The following ZNF385D variants were observed in gnomAD, a reference collection of about 807,000 sequenced individuals.
The protein encoded by ZNF385D is zinc finger protein 385D, also known as zinc finger protein 659.
ZNF385D carries 15 observed loss-of-function variants against 35.8 expected under a neutral mutation model. That is an observed-to-expected ratio of 0.42 (90% CI 0.28 to 0.64). The LOEUF (loss-of-function observed/expected upper bound fraction) is 0.64, where lower values mean the gene tolerates loss of function less well. Among genes scored for constraint, ZNF385D ranks in the 30% least tolerant of loss-of-function variants. The pLI is 0.23. For synonymous variants in ZNF385D, 212 were observed against 186.8 expected (o/e 1.13, Z -1.10); for missense variants, 474 against 494.6 (o/e 0.96, Z 0.39).
chr3:21,840,884 T>G (rs1338523034), intron 3 of ZNF385D, among the ~76,000 whole-genome samples: 1 of 152,056 alleles, frequency 6.6e-6, no homozygotes, highest in East Asian at 1.9e-4. Context: ...GTTTGCTGTC[T>G]AAAAGAAACC....
At chr3:22,266,463 C>T (rs62246556) in intron 2 of ZNF385D, among the ~76,000 whole-genome samples, 14,880 of 151,802 alleles carry the variant, frequency 0.098, 904 homozygotes, top group South Asian at 0.27. Flanking sequence ...AGTCAGCTGG[C>T]TGACTGCTAT....
chr3:22,221,563 T>C (rs1698258122), intron 2 of ZNF385D, among the ~76,000 whole-genome samples: 2 of 152,206 alleles, frequency 1.3e-5, no homozygotes, highest in African/African-American at 4.8e-5. Context: ...CTTAATTTCA[T>C]TTCGCTTTAT....
chr3:21,694,804 T>C (rs1202513923), intron 1 of ZNF385D, among the ~76,000 whole-genome samples: 4 of 152,168 alleles, frequency 2.6e-5, no homozygotes, highest in African/African-American at 9.7e-5. Flanking sequence ...ACTAACTGTG[T>C]AGTGTCGGGC....
chr3:21,850,742 G>C (rs1321257821), intron 3 of ZNF385D, among the ~76,000 whole-genome samples: 1 of 152,018 alleles, frequency 6.6e-6, no homozygotes, highest in African/African-American at 2.4e-5. Flanking sequence ...GGGATACTTC[G>C]TTAAGATTCC....
At chr3:21,511,057 G>A in intron 3 of ZNF385D, 34 bp from the exon 4 acceptor site, 1 of 1,612,238 alleles carries the variant, frequency 6.2e-7, no homozygotes, top group Non-Finnish European at 8.5e-7. Flanking sequence ...CATGCAATCA[G>A]GCTCATTTCT....
At chr3:21,620,036 C>T (rs1266983553) in intron 2 of ZNF385D, among the ~76,000 whole-genome samples, 1 of 152,124 alleles carries the variant, frequency 6.6e-6, no homozygotes, top group South Asian at 2.1e-4. Flanking sequence ...ACTAACAAAC[C>T]TAATGCACCG....
Position 22,323,183 on chromosome 3 carries a change from T to G in ZNF385D, c.106+49267A>C, listed in dbSNP as rs1694522281. 1.3e-5 allele frequency among the ~76,000 whole-genome samples: 2 copies of G among 152,162 alleles called. 1 individual carries two copies. The highest frequency in any genetic ancestry group is 3.9e-4 in the East Asian group (2 of 5,190). On this transcript the variant is annotated intron_variant, in intron 2 of 5. Transcript: ENST00000494108. ...CCAAGGAGATTTTGCACAAAGATTT[T>G]TGAGTTAATATCAATCATTTCCACA... is the stretch of plus-strand genomic sequence containing the variant.
chr3:22,351,050 T>G (rs1449382356), intron 2 of ZNF385D, among the ~76,000 whole-genome samples: 7 of 152,052 alleles, frequency 4.6e-5, no homozygotes, highest in African/African-American at 1.4e-4. Context: ...AATGCTACAC[T>G]GATGTCAGTA....
rs185157473 is a variant in ZNF385D at position 22,225,054 on chromosome 3, A to G, written c.107-56019T>C. Among the ~76,000 whole-genome samples the G allele has an allele frequency of 4.4e-3, 674 of 152,296 alleles. 9 individuals carry two copies. The highest frequency in any genetic ancestry group is 0.015 in the African/African-American group (626 of 41,546). ...AATCTCTAATTATATTAACAATGCA[A>G]TATTTGCAATTACAGATAAAATTAT... On this transcript the variant is annotated intron_variant, in intron 2 of 5. Transcript: ENST00000494108.
At chr3:22,197,644 C>T (rs1385954620) in intron 2 of ZNF385D, among the ~76,000 whole-genome samples, 1 of 152,114 alleles carries the variant, frequency 6.6e-6, no homozygotes, top group African/African-American at 2.4e-5. Flanking sequence ...AGCTTTTGCT[C>T]CATACCATAA....
intron 3 of ZNF385D, among the ~76,000 whole-genome samples, chr3:21,983,077 T>A (rs1694583231): frequency 6.6e-6 from 1 of 151,942 alleles, no homozygotes; most frequent in South Asian, 2.1e-4. Context: ...TTTGCCAGGT[T>A]TGGGTATCAA....
intron 2 of ZNF385D, among the ~76,000 whole-genome samples, chr3:22,349,559 A>T (rs1030374591): frequency 2.6e-5 from 4 of 152,214 alleles, no homozygotes; most frequent in African/African-American, 9.6e-5. Flanking sequence ...GCAATTGAAC[A>T]TACTTTGTAA....
intron 2 of ZNF385D, among the ~76,000 whole-genome samples, chr3:22,203,234 G>A (rs1251879695): frequency 6.6e-6 from 1 of 152,178 alleles, no homozygotes; most frequent in Non-Finnish European, 1.5e-5. Flanking sequence ...GCAGAGATGC[G>A]AGGCCCTCAT....
intron 2 of ZNF385D, among the ~76,000 whole-genome samples, chr3:22,265,101 T>C (rs890539039): frequency 1.3e-5 from 2 of 151,938 alleles, no homozygotes; most frequent in Non-Finnish European, 2.9e-5. Context: ...GCAAAGGAGA[T>C]CTGCCCCAGT....
chr3:21,818,544 G>C (rs1251988904), intron 3 of ZNF385D, among the ~76,000 whole-genome samples: 1 of 152,068 alleles, frequency 6.6e-6, no homozygotes, highest in Non-Finnish European at 1.5e-5. Flanking sequence ...TTCTCAGAGA[G>C]ATATCCCAAA....
At chr3:21,787,368 T>C (rs1018814920) in intron 3 of ZNF385D, among the ~76,000 whole-genome samples, 3 of 152,050 alleles carry the variant, frequency 2.0e-5, no homozygotes, top group African/African-American at 7.2e-5. Context: ...AGAAAAGAAG[T>C]GGTGAGAAGT....
At chr3:22,342,421 T>C (rs115412725) in intron 2 of ZNF385D, among the ~76,000 whole-genome samples, 1 of 152,148 alleles carries the variant, frequency 6.6e-6, no homozygotes, top group East Asian at 1.9e-4. Flanking sequence ...GCTAATTATT[T>C]ACTTGTAAAT....
intron 3 of ZNF385D, among the ~76,000 whole-genome samples, chr3:22,077,428 T>C (rs1700518897): frequency 6.6e-6 from 1 of 152,006 alleles, no homozygotes; most frequent in African/African-American, 2.4e-5. Flanking sequence ...GGTCATTACC[T>C]AAATACATCA....
intron 2 of ZNF385D, among the ~76,000 whole-genome samples, chr3:22,202,728 G>A (rs974989827): frequency 1.3e-5 from 2 of 152,146 alleles, no homozygotes; most frequent in Admixed American, 6.6e-5. Context: ...GATATGGACA[G>A]AGAATCTGTG....
Sources: allele counts gnomAD v4.1 joint callset (sites outside exome capture counted in the v4.1 genomes callset), GRCh38; gene constraint gnomAD v4.1.1; transcripts MANE v1.5; gene names NCBI Gene and HGNC (gene_info 2026-07-23, HGNC 2026-07-21).